PDHX: variants seen among roughly 807,000 people sequenced by gnomAD.
PDHX encodes pyruvate dehydrogenase complex component X, also known as pyruvate dehydrogenase protein X component, mitochondrial.
Under a neutral mutation model 55.3 loss-of-function variants are expected in PDHX, and 33 were observed. The ratio of observed to expected loss-of-function variants is 0.60; its 90% CI spans 0.45 to 0.80. The LOEUF is 0.80. PDHX is among the 30% of genes least tolerant of loss of function. The probability of loss-of-function intolerance (pLI) is 0.00; values close to 1 mark genes in which losing one functional copy is unlikely to be tolerated. For missense variants in PDHX, 622 were observed against 619.9 expected (o/e 1.00, Z -0.04); for synonymous variants, 226 against 219.4 (o/e 1.03, Z -0.27).
chr11:34,937,288 A>G (rs1183721156), intron 2 of PDHX, among the ~76,000 whole-genome samples: 4 of 147,102 alleles, frequency 2.7e-5, no homozygotes, highest in African/African-American at 4.9e-5. Flanking sequence ...TCTGCTCTCT[A>G]TCGGATATAA....
intron 4 of PDHX, 56 bp downstream of exon 4, chr11:34,957,639 T>G: frequency 7.4e-7 from 1 of 1,342,896 alleles, no homozygotes; most frequent in Non-Finnish European, 1.1e-6. Flanking sequence ...TGGCAGTTCT[T>G]ATGGAATTGT....
chr11:34,939,569 A>G (rs1854423578), intron 2 of PDHX, among the ~76,000 whole-genome samples: 1 of 152,156 alleles, frequency 6.6e-6, no homozygotes, highest in Non-Finnish European at 1.5e-5. Flanking sequence ...ACTCTGGCCC[A>G]GGAATCATGG....
intron 10 of PDHX, among the ~76,000 whole-genome samples, chr11:34,993,594 G>A (rs775660649): frequency 9.2e-5 from 14 of 151,868 alleles, no homozygotes; most frequent in Non-Finnish European, 1.5e-4. Flanking sequence ...TATATGTGTT[G>A]GTCTAGTTCT....
chr11:34,976,202 C>T (rs1441607965), intron 7 of PDHX, among the ~76,000 whole-genome samples: 4 of 152,110 alleles, frequency 2.6e-5, no homozygotes, highest in South Asian at 4.1e-4. Flanking sequence ...AATCTTTACA[C>T]CCCACATTAT....
intron 2 of PDHX, among the ~76,000 whole-genome samples, chr11:34,947,134 A>G (rs1854638644): frequency 6.6e-6 from 1 of 152,244 alleles, no homozygotes; most frequent in Non-Finnish European, 1.5e-5. Context: ...TTCAGGGAAT[A>G]TAGTCAAAAT....
intron 5 of PDHX, among the ~76,000 whole-genome samples, chr11:34,964,949 T>A (rs79422553): frequency 0.013 from 1,982 of 152,180 alleles, 42 homozygotes; most frequent in African/African-American, 0.046. Flanking sequence ...ACCTTTTTTT[T>A]AAATAGATGT....
In PDHX at chr11:34,995,238, T is replaced by A. The variant is rs951532271; in HGVS notation, c.*66T>A. The A allele has an allele frequency of 1.3e-6, 2 of 1,552,034 alleles. No homozygotes were observed. Among genetic ancestry groups the A allele is most frequent in the Admixed American group, 3.3e-5 (2 of 59,898 alleles). ...AGTAGTTGTTACCAAGAAACATATG[T>A]TATAGGAAAACAACTTGGTATTTAA... On this transcript the variant is annotated 3_prime_UTR_variant, in exon 11 of 11. Coordinates refer to ENST00000227868, the MANE Select transcript of PDHX (RefSeq NM_003477.3).
intron 9 of PDHX, among the ~76,000 whole-genome samples, chr11:34,987,621 G>A (rs559963041): frequency 1.3e-5 from 2 of 151,992 alleles, no homozygotes; most frequent in African/African-American, 2.4e-5. Flanking sequence ...TTGTTTAAAC[G>A]GTGGCTTAAA....
At chr11:34,942,549 T>C (rs1854513609) in intron 2 of PDHX, among the ~76,000 whole-genome samples, 1 of 152,222 alleles carries the variant, frequency 6.6e-6, no homozygotes, top group Non-Finnish European at 1.5e-5. Context: ...GTAACTACTC[T>C]GCCAAGGAGT....
chr11:34,922,636 A>T (rs1853913375), intron 1 of PDHX, among the ~76,000 whole-genome samples: 1 of 152,196 alleles, frequency 6.6e-6, no homozygotes, highest in Non-Finnish European at 1.5e-5. Context: ...TAATAACCGC[A>T]TTGTAGACTA....
chr11:34,964,423 G>A (rs1158945828), intron 5 of PDHX, among the ~76,000 whole-genome samples: 1 of 152,026 alleles, frequency 6.6e-6, no homozygotes, highest in Non-Finnish European at 1.5e-5. Flanking sequence ...GGCCAACATG[G>A]TAAAACCCCA....
chr11:34,982,559 A>G (rs1051387097), intron 8 of PDHX, among the ~76,000 whole-genome samples: 2 of 152,168 alleles, frequency 1.3e-5, no homozygotes, highest in Admixed American at 6.5e-5. Flanking sequence ...GAGAAGAATC[A>G]AATAGACGCA....
intron 3 of PDHX, among the ~76,000 whole-genome samples, chr11:34,950,792 T>G (rs1854743383): frequency 6.6e-6 from 1 of 151,152 alleles, no homozygotes; most frequent in African/African-American, 2.4e-5. Flanking sequence ...ACATTTGGGT[T>G]GGTTCCAAGT....
chr11:34,950,917 TA>T (rs1854747847), intron 3 of PDHX, among the ~76,000 whole-genome samples: 1 of 150,258 alleles, frequency 6.7e-6, no homozygotes, highest in African/African-American at 2.4e-5. Flanking sequence ...GGTCAAATGG[TA>T]TTTCTAGTTC....
intron 3 of PDHX, among the ~76,000 whole-genome samples, chr11:34,953,501 T>TA (rs1482426667): frequency 1.3e-5 from 2 of 152,232 alleles, no homozygotes; most frequent in African/African-American, 4.8e-5. Context: ...AATTTTTTCA[T>TA]ATTGAAATAG....
At chr11:34,978,529 G>A (rs1206466410) in intron 8 of PDHX, among the ~76,000 whole-genome samples, 1 of 152,076 alleles carries the variant, frequency 6.6e-6, no homozygotes, top group Non-Finnish European at 1.5e-5. Context: ...GAAAAAGAAA[G>A]GATAAGGGGA....
At chr11:34,934,325 G>T (rs192950276) in intron 2 of PDHX, among the ~76,000 whole-genome samples, 33 of 152,238 alleles carry the variant, frequency 2.2e-4, no homozygotes, top group African/African-American at 7.9e-4. Context: ...AAAATATAAC[G>T]TGTTCAATGA....
rs60096111 is a variant in PDHX, at chr11:34,922,864, TTGTGTG to T, written c.160+6079_160+6084del. Among the ~76,000 whole-genome samples the T allele has an allele frequency of 2.0e-3, 290 of 143,392 alleles. 1 individual carries two copies. The highest frequency in any genetic ancestry group is 6.0e-3 in the African/African-American group (232 of 38,890). The allele number at this position is 143,392 out of a possible 152,430, so 94.1% of individuals were successfully genotyped here. On this transcript the variant is annotated intron_variant, in intron 1 of 10. Coordinates refer to ENST00000227868, the MANE Select transcript of PDHX (RefSeq NM_003477.3). ...AAATGTGTAAATTCCCAAAGTATCG[TTGTGTG>T]TGTGTGTGTGTGTGTGTGTGTGTGT...
At chr11:34,933,294 A>G (rs1022043688) in intron 2 of PDHX, among the ~76,000 whole-genome samples, 1 of 152,182 alleles carries the variant, frequency 6.6e-6, no homozygotes, top group African/African-American at 2.4e-5. Context: ...ACATAACCAT[A>G]CAGAGAGGCA....
Sources: allele counts gnomAD v4.1 joint callset (sites outside exome capture counted in the v4.1 genomes callset), GRCh38; gene constraint gnomAD v4.1.1; transcripts MANE v1.5; gene names NCBI Gene and HGNC (gene_info 2026-07-23, HGNC 2026-07-21).